The following CD302 variants were observed in gnomAD, a reference collection of about 807,000 sequenced individuals.
CD302 encodes CD302 molecule.
CD302 carries 23 observed loss-of-function variants against 26.5 expected under a neutral mutation model. The ratio of observed to expected loss-of-function variants is 0.87; its 90% CI spans 0.62 to 1.23. The LOEUF (loss-of-function observed/expected upper bound fraction) is 1.23. Ranked by LOEUF, CD302 falls within the 50% of genes most tolerant of loss-of-function variation. CD302 has a pLI of 0.00. For missense variants in CD302, 290 were observed against 275.5 expected (o/e 1.05, Z -0.37); for synonymous variants, 90 against 99.4 (o/e 0.91, Z 0.56).
At chr2:159,783,906 A>G (rs1560046960) in intron 1 of CD302, among the ~76,000 whole-genome samples, 3 of 152,252 alleles carry the variant, frequency 2.0e-5, no homozygotes, top group Non-Finnish European at 4.4e-5. Flanking sequence ...AGAGAAAAGA[A>G]AAACAAGTTG....
Position 159,780,005 on chromosome 2 carries a change from T to C in CD302, c.469A>G (p.Ile157Val). The change falls in exon 4 of 6, where the codon ATC becomes GTC. Residue 157 changes from isoleucine (I) to valine (V), a missense_variant and splice_region_variant. Ile to Val is a conservative substitution (Grantham distance 29, BLOSUM62 3). Transcript: ENST00000259053. Reference protein sequence around the residue: ...SVEGTLCKTAIPYKRKYLSDN... With the variant: ...SVEGTLCKTAVPYKRKYLSDN... ...GAAAAACACCTTCGGTCATACTTAC[T>C]AGCTGTTTTGCATAGTGTTCCTTCC... is the stretch of plus-strand genomic sequence containing the variant. 1 of 1,612,190 alleles carries C rather than the reference T, an allele frequency of 6.2e-7. No homozygotes were observed. The highest frequency in any genetic ancestry group is 8.5e-7 in the Non-Finnish European group (1 of 1,178,922).
intron 5 of CD302, among the ~76,000 whole-genome samples, chr2:159,775,603 G>A (rs535682673): frequency 6.6e-6 from 1 of 152,244 alleles, no homozygotes; most frequent in Admixed American, 6.5e-5. Flanking sequence ...TAAATAACAT[G>A]CTTCCGCTGC....
In CD302 at chr2:159,771,037, T is replaced by C. The variant is rs1708130827; in HGVS notation, c.*814A>G. ...ACTTTGATCACTGTCACTACAGTTG[T>C]ACTTAAGTGTTTTTCTTCGGTTTTT... On this transcript the variant is annotated 3_prime_UTR_variant, in exon 6 of 6. Coordinates refer to ENST00000259053, the MANE Select transcript of CD302 (RefSeq NM_014880.5). 6.6e-6 allele frequency: 1 copy of C among 152,198 alleles called. No individual in the cohort carries two copies. The highest frequency in any genetic ancestry group is 2.4e-5 in the African/African-American group (1 of 41,460). 9.4% of individuals were successfully genotyped at this position (152,198 alleles called of 1,614,324 possible). A position where few individuals can be genotyped will look rare whatever the true frequency, so the allele number is the denominator to read the frequency against.
At chr2:159,798,072 T>G in intron 1 of CD302, 60 bp downstream of exon 1, 3 of 1,438,522 alleles carry the variant, frequency 2.1e-6, no homozygotes, top group Non-Finnish European at 1.9e-6. Flanking sequence ...AGAGCGTGCG[T>G]TGGGAAGGGG....
chr2:159,775,233 C>G (rs898235952), intron 5 of CD302, among the ~76,000 whole-genome samples: 5 of 152,150 alleles, frequency 3.3e-5, no homozygotes, highest in Non-Finnish European at 7.4e-5. Flanking sequence ...TAGGAGAAAG[C>G]CTGACACATA....
chr2:159,782,898 T>C (rs1281213970), intron 2 of CD302, among the ~76,000 whole-genome samples: 2 of 152,174 alleles, frequency 1.3e-5, no homozygotes, highest in Non-Finnish European at 2.9e-5. Flanking sequence ...TTCAGCACTT[T>C]CCAGGCAGAA....
At chr2:159,781,400 A>C (rs1461847956) in intron 2 of CD302, 1 of 156,202 alleles carries the variant, frequency 6.4e-6, no homozygotes, top group Non-Finnish European at 1.4e-5. Flanking sequence ...AAAAAATAAA[A>C]TAAAATAAAA....
intron 2 of CD302, among the ~76,000 whole-genome samples, chr2:159,782,443 AT>A (rs1036829527): frequency 7.5e-6 from 1 of 132,922 alleles, no homozygotes; most frequent in Non-Finnish European, 1.6e-5. Flanking sequence ...AAAAAAAGAC[AT>A]TTTTTTGGCT....
At chr2:159,778,164 G>A (rs1236443909) in intron 4 of CD302, among the ~76,000 whole-genome samples, 200 bp from the exon 5 acceptor site, 1 of 152,130 alleles carries the variant, frequency 6.6e-6, no homozygotes, top group Non-Finnish European at 1.5e-5. Flanking sequence ...AAAGAAAGAT[G>A]TAGAGGGCTA....
Position 159,780,977 on chromosome 2 carries a change from T to C in CD302, c.200A>G (p.His67Arg). 6.2e-7 allele frequency: 1 copy of C among 1,612,512 alleles called. No homozygotes were observed. Among genetic ancestry groups the C allele is most frequent in the Non-Finnish European group, 8.5e-7 (1 of 1,179,780 alleles). Residue 67 changes from histidine (H) to arginine (R), a missense_variant, in exon 3 of 6, where the codon CAT (histidine) becomes CGT (arginine). Coordinates refer to ENST00000259053, the MANE Select transcript of CD302 (RefSeq NM_014880.5). ...TDHGADMISIHNEEENAFILD... is the reference protein window; with the variant it reads ...TDHGADMISIRNEEENAFILD... ...TATAAAAGCATTTTCTTCTTCATTATGTATGCTTATCATGTCCGCTCCTGA... is the reference window on the plus strand; with the variant it reads ...TATAAAAGCATTTTCTTCTTCATTACGTATGCTTATCATGTCCGCTCCTGA...
rs981184060 is a variant in CD302, at chr2:159,797,568, C to G, written c.67+564G>C. 2.0e-5 allele frequency among the ~76,000 whole-genome samples: 3 copies of G among 152,200 alleles called. 1 individual carries two copies. The South Asian group carries it at 6.2e-4, about 32-fold the overall frequency. ...GATTTCAGTGAAATCCAAGCTTTGC[C>G]TATTCCCGTTCCTCTTCCATCCAGG... is the stretch of plus-strand genomic sequence containing the variant. On this transcript the variant is annotated intron_variant, in intron 1 of 5. Transcript: ENST00000259053.
chr2:159,778,954 G>A (rs551692526), intron 4 of CD302, among the ~76,000 whole-genome samples: 12 of 152,124 alleles, frequency 7.9e-5, no homozygotes, highest in African/African-American at 2.7e-4. Context: ...CTTCTGGGCC[G>A]GGCACAGTGG....
chr2:159,781,325 G>T (rs908128479), intron 2 of CD302: 5 of 176,604 alleles, frequency 2.8e-5, no homozygotes, highest in African/African-American at 9.6e-5. Context: ...GAGGCGGGTG[G>T]ATCACCTGAG....
At chr2:159,792,020 T>C (rs1480312868) in intron 1 of CD302, among the ~76,000 whole-genome samples, 1 of 152,246 alleles carries the variant, frequency 6.6e-6, no homozygotes, top group Non-Finnish European at 1.5e-5. Context: ...ATACAGTTTC[T>C]CTGGGTCAGG....
chr2:159,778,861 T>G (rs1257085672), intron 4 of CD302, among the ~76,000 whole-genome samples: 1 of 152,130 alleles, frequency 6.6e-6, no homozygotes, highest in East Asian at 1.9e-4. Context: ...TTCTAAAACT[T>G]AGAATAACAA....
chr2:159,789,375 T>G (rs946096253), intron 1 of CD302, among the ~76,000 whole-genome samples: 1 of 152,230 alleles, frequency 6.6e-6, no homozygotes, highest in East Asian at 1.9e-4. Context: ...TTATAGAATT[T>G]CAACTTGATT....
chr2:159,791,901 C>T (rs1490642029), intron 1 of CD302, among the ~76,000 whole-genome samples: 6 of 152,142 alleles, frequency 3.9e-5, no homozygotes, highest in South Asian at 4.1e-4. Context: ...TTCTAGTTGA[C>T]GCAGTTATGC....
At position 159,780,901 on chromosome 2, in the gene CD302, G is replaced by A; in HGVS notation, c.276C>T (p.Gly92=). 1 of 1,613,016 alleles carries A rather than the reference G, an allele frequency of 6.2e-7. No homozygotes were observed. The highest frequency in any genetic ancestry group is 8.5e-7 in the Non-Finnish European group (1 of 1,179,778). Residue 92 remains glycine (G), a synonymous_variant, in exon 3 of 6, where the codon GGC becomes GGT. Transcript: ENST00000259053. ...QWKGPDDILL[G]MFYDTDDASF... is the part of the protein sequence containing the mutation. ...ACTTACCATCTGTGTCATAAAACAT[G>A]CCTAGTAGGATATCATCTGGGCCTT...
At position 159,771,880 on chromosome 2, in the gene CD302, C is replaced by T; in HGVS notation, c.670G>A (p.Glu224Lys). ...NEDCVLVVGEENEYPVQFD is the reference protein window; with the variant it reads ...NEDCVLVVGEKNEYPVQFD ...TCAAATTGAACAGGATATTCATTTTCTTCTCCAACTACCAAAACACAGTCT... is the reference window on the plus strand; with the variant it reads ...TCAAATTGAACAGGATATTCATTTTTTTCTCCAACTACCAAAACACAGTCT... The change falls in exon 6 of 6, where the codon GAA becomes AAA. Residue 224 changes from glutamate to lysine, a missense_variant. Physicochemically the swap from Glu to Lys is moderately conservative, Grantham distance 56. Transcript: ENST00000259053. 2.5e-6 allele frequency: 4 copies of T among 1,613,910 alleles called. No individual in the cohort carries two copies. The highest frequency in any genetic ancestry group is 3.4e-6 in the Non-Finnish European group (4 of 1,179,880).
Sources: gnomAD v4.1 joint callset for allele counts (sites outside exome capture counted in the v4.1 genomes callset) on GRCh38, gnomAD v4.1.1 for gene constraint, MANE v1.5 for transcripts, NCBI Gene and HGNC (gene_info 2026-07-23, HGNC 2026-07-21) for gene names.